The following DCX variants were observed in gnomAD, a reference collection of about 807,000 sequenced individuals.
DCX encodes the protein neuronal migration protein doublecortin.
DCX carries 4 observed loss-of-function variants against 20.9 expected under a neutral mutation model. The ratio of observed to expected loss-of-function variants is 0.19; its 90% CI spans 0.09 to 0.44. DCX has a LOEUF of 0.44. Ranked by LOEUF, DCX falls within the 20% of genes least tolerant of loss-of-function variation. The probability of loss-of-function intolerance (pLI) is 0.99; values close to 1 mark genes in which losing one functional copy is unlikely to be tolerated. For missense variants in DCX, 133 were observed against 296.9 expected (o/e 0.45, Z 4.06); for synonymous variants, 103 against 111.4 (o/e 0.92, Z 0.47).
At chrX:111,332,028 C>T (rs1454288011) in intron 4 of DCX, among the ~76,000 whole-genome samples, 4 of 112,560 alleles carry the variant, frequency 3.6e-5, no homozygotes, top group Non-Finnish European at 7.5e-5. Context: ...CTCTCCTTTC[C>T]TTTAAACACT....
At chrX:111,361,587 T>A (rs1569493191) in intron 3 of DCX, among the ~76,000 whole-genome samples, 1 of 112,305 alleles carries the variant, frequency 8.9e-6, no homozygotes, top group African/African-American at 3.2e-5. Context: ...TATTGGGAAC[T>A]ATCTCCCTGT....
chrX:111,404,880 G>A (rs751826176), intron 2 of DCX, among the ~76,000 whole-genome samples: 16 of 112,463 alleles, frequency 1.4e-4, no homozygotes, highest in Non-Finnish European at 2.6e-4. Context: ...TGCACTTCCT[G>A]CTGCCTGGCA....
In DCX at chrX:111,354,717, C is replaced by T. The variant is rs147733159; in HGVS notation, c.706-21564G>A. Among the ~76,000 whole-genome samples, 179 of 112,390 alleles carry T rather than the reference C, an allele frequency of 1.6e-3. 1 individual carries two copies. Among genetic ancestry groups the T allele is most frequent in the African/African-American group, 5.3e-3 (165 of 31,018 alleles). ...TGGCAGACAGTGTGATTGCCTGGAA[C>T]GAGCTCAACTCAAAGCTTTCCACTT... On this transcript the variant is annotated intron_variant, in intron 3 of 6. Transcript: ENST00000636035.
At chrX:111,398,020 T>A (rs963033803) in intron 3 of DCX, among the ~76,000 whole-genome samples, 3 of 110,860 alleles carry the variant, frequency 2.7e-5, no homozygotes, top group African/African-American at 9.8e-5. Flanking sequence ...CAAACCTTAT[T>A]TGCCCACAGA....
intron 5 of DCX, among the ~76,000 whole-genome samples, chrX:111,326,036 T>C (rs1290633800): frequency 9.0e-6 from 1 of 111,529 alleles, no homozygotes; most frequent in African/African-American, 3.3e-5. Context: ...TCATGAACCC[T>C]GCTGTTTTGT....
intron 5 of DCX, among the ~76,000 whole-genome samples, chrX:111,313,918 G>T (rs892301911): frequency 1.0e-5 from 1 of 95,296 alleles, no homozygotes; most frequent in Non-Finnish European, 2.1e-5. Flanking sequence ...AGAGTGGGGG[G>T]GAGGGAGACA....
At chrX:111,399,697 C>G (rs968895718) in intron 3 of DCX, among the ~76,000 whole-genome samples, 1 of 111,774 alleles carries the variant, frequency 8.9e-6, no homozygotes, top group African/African-American at 3.2e-5. Flanking sequence ...CAGGCCTATA[C>G]TTAGACAGCT....
chrX:111,304,729 G>A (rs1362258070), intron 6 of DCX, among the ~76,000 whole-genome samples: 1 of 111,956 alleles, frequency 8.9e-6, no homozygotes. Flanking sequence ...ATGAGGAAGA[G>A]GGCAAAAGTT....
intron 3 of DCX, among the ~76,000 whole-genome samples, chrX:111,386,018 T>C (rs1926480460): frequency 8.9e-6 from 1 of 111,883 alleles, no homozygotes; most frequent in Non-Finnish European, 1.9e-5. Flanking sequence ...GTGTTTATGC[T>C]GTGTGTGTTA....
chrX:111,317,698 A>G (rs1387150400), intron 5 of DCX, among the ~76,000 whole-genome samples: 1 of 112,090 alleles, frequency 8.9e-6, no homozygotes, highest in Admixed American at 9.4e-5. Flanking sequence ...TCTATAAGGA[A>G]CTTAAGCAAA....
At chrX:111,387,997 G>A (rs1339323883) in intron 3 of DCX, among the ~76,000 whole-genome samples, 1 of 111,922 alleles carries the variant, frequency 8.9e-6, no homozygotes, top group African/African-American at 3.2e-5. Flanking sequence ...GATTCCTCCA[G>A]TGAGACTCTG....
intron 3 of DCX, among the ~76,000 whole-genome samples, chrX:111,341,892 G>C (rs1922273880): frequency 9.1e-6 from 1 of 110,450 alleles, no homozygotes; most frequent in South Asian, 3.9e-4. Flanking sequence ...ATATGGAAGG[G>C]AAAAACTGGT....
intron 3 of DCX, among the ~76,000 whole-genome samples, chrX:111,356,209 G>A (rs1268910006): frequency 8.9e-6 from 1 of 112,688 alleles, no homozygotes; most frequent in Admixed American, 9.3e-5. Flanking sequence ...TTGATGGAAG[G>A]CATGCCCTGC....
At chrX:111,359,982 C>T (rs1023936072) in intron 3 of DCX, among the ~76,000 whole-genome samples, 1 of 112,001 alleles carries the variant, frequency 8.9e-6, no homozygotes, top group Non-Finnish European at 1.9e-5. Context: ...TCCAGTAATT[C>T]TTCTAGGAAT....
intron 3 of DCX, among the ~76,000 whole-genome samples, chrX:111,352,975 A>G (rs373379659): frequency 9.0e-6 from 1 of 111,580 alleles, no homozygotes; most frequent in African/African-American, 3.3e-5. Context: ...TTTAGAGGCA[A>G]TTAAGCATCA....
In DCX at chrX:111,338,597, T is replaced by A. The variant is rs746191443; in HGVS notation, c.706-5444A>T. Among the ~76,000 whole-genome samples, 9 of 109,022 alleles carry A rather than the reference T, an allele frequency of 8.3e-5. No individual in the cohort carries two copies. In the South Asian group the frequency reaches 1.6e-3, roughly 20 times the overall value. The allele number at this position is 109,022 out of a possible 115,157, so 94.7% of individuals were successfully genotyped here. The stretch of plus-strand genomic sequence containing the variant: ...CAATCCTGACTTTTTTTTTTTTTTT[T>A]ATCAAACTCATGTTTCTGGGGTTAT... On this transcript the variant is annotated intron_variant, in intron 3 of 6. Transcript: ENST00000636035.
chrX:111,362,737 G>A (rs746678918), intron 3 of DCX, among the ~76,000 whole-genome samples: 1 of 111,184 alleles, frequency 9.0e-6, no homozygotes. Context: ...TGTGAAAGTA[G>A]AGAGATGAGG....
chrX:111,398,168 T>G (rs1168410497), intron 3 of DCX, among the ~76,000 whole-genome samples: 1 of 109,986 alleles, frequency 9.1e-6, no homozygotes, highest in Non-Finnish European at 1.9e-5. Context: ...TGGTGGAATA[T>G]GCACTCCTTT....
intron 3 of DCX, among the ~76,000 whole-genome samples, chrX:111,337,082 T>G (rs1321143961): frequency 1.8e-5 from 2 of 112,513 alleles, no homozygotes; most frequent in Admixed American, 1.9e-4. Flanking sequence ...AAGTCCACCT[T>G]AGCTAACATT....
Sources: gnomAD v4.1 joint callset for allele counts (sites outside exome capture counted in the v4.1 genomes callset) on GRCh38, gnomAD v4.1.1 for gene constraint, MANE v1.5 for transcripts, NCBI Gene and HGNC (gene_info 2026-07-23, HGNC 2026-07-21) for gene names.